NUP98: variants seen among roughly 807,000 people sequenced by gnomAD.
NUP98 encodes nuclear pore complex protein Nup98-Nup96.
A neutral mutation model predicts 191.9 loss-of-function variants in NUP98; 26 were observed. The observed-to-expected ratio is 0.14, with a 90% confidence interval of 0.10 to 0.19. The LOEUF is 0.19. Among genes scored for constraint, NUP98 ranks in the 10% least tolerant of loss-of-function variants. The pLI is 1.00. For synonymous variants in NUP98, 808 were observed against 778.4 expected, an observed-to-expected ratio of 1.04 and a Z score of -0.63; for missense variants, 1,941 against 2,178.8, an observed-to-expected ratio of 0.89 and a Z score of 2.17.
intron 4 of NUP98, among the ~76,000 whole-genome samples, chr11:3,777,209 A>C (rs1338582979): frequency 1.3e-5 from 2 of 152,224 alleles, no homozygotes; most frequent in Non-Finnish European, 2.9e-5. Context: ...CTAATAAAGA[A>C]ATAGCAAATC....
At chr11:3,716,295 C>A (rs1341392346) in intron 18 of NUP98, among the ~76,000 whole-genome samples, 1 of 151,858 alleles carries the variant, frequency 6.6e-6, no homozygotes, top group Non-Finnish European at 1.5e-5. Context: ...ATCCAGTTTG[C>A]CAGCATCCTT....
rs902257082 is a variant in NUP98 at position 3,675,790 on chromosome 11, G to A, written c.*369C>T. On this transcript the variant is annotated 3_prime_UTR_variant, in exon 33 of 33. Transcript: ENST00000324932. ...GGAGTCCTAGTATAAAAGGGCCAGGGTAGGAGTAGGGAAGCTGGTTGGCAT... is the reference window on the plus strand; with the variant it reads ...GGAGTCCTAGTATAAAAGGGCCAGGATAGGAGTAGGGAAGCTGGTTGGCAT... 7.9e-6 allele frequency: 3 copies of A among 379,464 alleles called. No homozygotes were observed. The highest frequency in any genetic ancestry group is 1.5e-5 in the Non-Finnish European group (3 of 205,624). The allele number at this position is 379,464 out of a possible 1,614,324, so 23.5% of individuals were successfully genotyped here. A position where few individuals can be genotyped will look rare whatever the true frequency, so the allele number is the denominator to read the frequency against.
At chr11:3,796,779 G>T (rs571291144) in intron 1 of NUP98, among the ~76,000 whole-genome samples, 4 of 152,122 alleles carry the variant, frequency 2.6e-5, no homozygotes, top group Non-Finnish European at 4.4e-5. Flanking sequence ...TAAGGTAGGG[G>T]GATTGACTTA....
intron 31 of NUP98, 122 bp downstream of exon 31, chr11:3,679,432 G>T: frequency 8.7e-7 from 1 of 1,149,766 alleles, no homozygotes; most frequent in Non-Finnish European, 1.3e-6. Flanking sequence ...CAAGATGCCT[G>T]CTTTGACAGT....
chr11:3,715,177 C>G (rs142966833), intron 18 of NUP98, among the ~76,000 whole-genome samples: 1 of 152,278 alleles, frequency 6.6e-6, no homozygotes, highest in Non-Finnish European at 1.5e-5. Context: ...GACTGAGTCT[C>G]GCTCTGTCAC....
intron 4 of NUP98, among the ~76,000 whole-genome samples, chr11:3,777,675 A>G (rs2081790958): frequency 6.6e-6 from 1 of 151,988 alleles, no homozygotes; most frequent in Admixed American, 6.6e-5. Flanking sequence ...AATGTCACTA[A>G]GCAAAGAAAT....
chr11:3,754,941 C>CAAAAAAA (rs34606573), intron 10 of NUP98, among the ~76,000 whole-genome samples: 2 of 66,230 alleles, frequency 3.0e-5, no homozygotes, highest in Admixed American at 2.0e-4. Flanking sequence ...GACACTATCT[C>CAAAAAAA]AAAAAAAAAA....
rs369218423 is a variant in NUP98, at chr11:3,699,309, G to A, written c.3782C>T (p.Ala1261Val). 20 of 1,614,046 alleles carry A rather than the reference G, an allele frequency of 1.2e-5. No individual in the cohort carries two copies. The highest frequency in any genetic ancestry group is 1.5e-5 in the Non-Finnish European group (18 of 1,180,024). The change falls in exon 25 of 33, where the codon GCC becomes GTC. Residue 1261 changes from alanine to valine, a missense_variant. Ala to Val is a moderately conservative substitution (Grantham distance 64). Transcript: ENST00000324932. ...AAGCTCCTTCAGGTGGCCCCATAGG[G>A]CTTCACATAGTGTCCATGTCAGGCT... Reference protein sequence around the residue: ...HWSLTWTLCEALWGHLKELDS... With the variant: ...HWSLTWTLCEVLWGHLKELDS...
intron 31 of NUP98, among the ~76,000 whole-genome samples, chr11:3,677,288 G>A (rs2077844232): frequency 6.6e-6 from 1 of 151,904 alleles, no homozygotes; most frequent in African/African-American, 2.4e-5. Context: ...CAGCTTTCCA[G>A]GCAAAGAGAA....
chr11:3,754,704 G>A (rs2080894715), intron 10 of NUP98, among the ~76,000 whole-genome samples: 1 of 152,086 alleles, frequency 6.6e-6, no homozygotes, highest in African/African-American at 2.4e-5. Flanking sequence ...CACTCTGGGA[G>A]GCCAAGGTGG....
chr11:3,700,578 C>G, intron 24 of NUP98, 32 bp downstream of exon 24: 1 of 1,455,598 alleles, frequency 6.9e-7, no homozygotes, highest in Non-Finnish European at 9.6e-7. Flanking sequence ...ATTATTGGGA[C>G]ATCAAACATT....
At chr11:3,767,198 T>C (rs919656734) in intron 8 of NUP98, among the ~76,000 whole-genome samples, 1 of 150,734 alleles carries the variant, frequency 6.6e-6, no homozygotes, top group Non-Finnish European at 1.5e-5. Flanking sequence ...CCTGACCTCA[T>C]GATCCGCCCA....
At position 3,778,883 on chromosome 11, in the gene NUP98, A is replaced by T; in HGVS notation, c.345T>A (p.Thr115=). ...QNNAFAQNKP[T]GFGNFGTSTS... ...TGATGTCCCACTTACTGCCAAAGCC[A>T]GTTGGTTTATTTTGTGCAAAGGCAT... Residue 115 remains threonine (T), a synonymous_variant, in exon 4 of 33, where the codon ACT becomes ACA. Coordinates refer to ENST00000324932, the MANE Select transcript of NUP98 (RefSeq NM_016320.5). 1 of 1,613,928 alleles carries T rather than the reference A, an allele frequency of 6.2e-7. No individual in the cohort carries two copies. The highest frequency in any genetic ancestry group is 8.5e-7 in the Non-Finnish European group (1 of 1,179,944).
intron 19 of NUP98, 36 bp from the exon 20 acceptor site, chr11:3,712,764 CATT>C: frequency 6.3e-7 from 1 of 1,597,662 alleles, no homozygotes. Flanking sequence ...ACAACTTAAA[CATT>C]ATGCTTTCCC....
chr11:3,691,821 T>A (rs1013769058), intron 27 of NUP98, among the ~76,000 whole-genome samples: 1 of 152,204 alleles, frequency 6.6e-6, no homozygotes, highest in Non-Finnish European at 1.5e-5. Flanking sequence ...CCCAAAGTGC[T>A]GGGATTAGAG....
chr11:3,791,888 A>G (rs1249127820), intron 1 of NUP98, among the ~76,000 whole-genome samples: 1 of 151,292 alleles, frequency 6.6e-6, no homozygotes, highest in Non-Finnish European at 1.5e-5. Flanking sequence ...AACTACAAAA[A>G]CATGCATTCG....
chr11:3,730,554 G>A (rs941421229), intron 14 of NUP98, among the ~76,000 whole-genome samples: 3 of 152,018 alleles, frequency 2.0e-5, no homozygotes, highest in Admixed American at 2.0e-4. Context: ...AGTAAAGACG[G>A]GGTTTCACCA....
intron 18 of NUP98, among the ~76,000 whole-genome samples, chr11:3,716,462 T>G (rs766421461): frequency 2.0e-5 from 3 of 152,114 alleles, no homozygotes; most frequent in Non-Finnish European, 4.4e-5. Context: ...TCCCAACACT[T>G]TGGGAGGCCA....
intron 7 of NUP98, 114 bp from the exon 8 acceptor site, chr11:3,768,858 T>C (rs2081425728): frequency 2.9e-6 from 2 of 697,596 alleles, no homozygotes; most frequent in Middle Eastern, 4.5e-4. Flanking sequence ...TGTTATCTAC[T>C]ACCCTTCATT....
Sources: gnomAD v4.1 joint callset for allele counts (sites outside exome capture counted in the v4.1 genomes callset) on GRCh38, gnomAD v4.1.1 for gene constraint, MANE v1.5 for transcripts, NCBI Gene and HGNC (gene_info 2026-07-23, HGNC 2026-07-21) for gene names.